UNC79: variants seen among roughly 807,000 people sequenced by gnomAD.
UNC79 encodes the protein protein unc-79 homolog.
A neutral mutation model predicts 283.1 loss-of-function variants in UNC79; 37 were observed. That is an observed-to-expected ratio of 0.13 (90% CI 0.10 to 0.17). UNC79 has a LOEUF of 0.17. Among genes scored for constraint, UNC79 ranks in the 10% least tolerant of loss-of-function variants. The probability of loss-of-function intolerance (pLI) is 1.00; values close to 1 mark genes in which losing one functional copy is unlikely to be tolerated. For missense variants in UNC79, 2,272 were observed against 3,211.1 expected (o/e 0.71, Z 7.07); for synonymous variants, 1,107 against 1,200.2 (o/e 0.92, Z 1.61).
intron 23 of UNC79, among the ~76,000 whole-genome samples, chr14:93,595,043 C>A (rs2064970982): frequency 6.6e-6 from 1 of 151,094 alleles, no homozygotes; most frequent in Non-Finnish European, 1.5e-5. Flanking sequence ...TCTTCTGAAT[C>A]TCGGCTCTGG....
At chr14:93,592,609 C>T (rs2064777044) in intron 22 of UNC79, among the ~76,000 whole-genome samples, 1 of 152,068 alleles carries the variant, frequency 6.6e-6, no homozygotes, top group Admixed American at 6.5e-5. Flanking sequence ...TGGACCTGTA[C>T]AGTTCAAACC....
chr14:93,706,661 C>G (rs761109956), intron 48 of UNC79, 43 bp from the exon 52 acceptor site: 2 of 1,608,604 alleles, frequency 1.2e-6, no homozygotes, highest in Admixed American at 1.7e-5. Context: ...CTGGGTTGCC[C>G]GTGAAAAGAA....
chr14:93,668,978 TAAA>T (rs543609091), intron 40 of UNC79, among the ~76,000 whole-genome samples: 48 of 79,912 alleles, frequency 6.0e-4, no homozygotes, highest in Middle Eastern at 0.015. Context: ...GAACATTGTC[TAAA>T]AAAAAAAAAA....
intron 7 of UNC79, among the ~76,000 whole-genome samples, chr14:93,498,705 G>T (rs927204766): frequency 6.6e-6 from 1 of 152,100 alleles, no homozygotes; most frequent in Admixed American, 6.6e-5. Flanking sequence ...TATAATGACA[G>T]ATATCTACCA....
At chr14:93,418,399 C>G (rs1198183034) in intron 1 of UNC79, among the ~76,000 whole-genome samples, 1 of 151,620 alleles carries the variant, frequency 6.6e-6, no homozygotes, top group Non-Finnish European at 1.5e-5. Context: ...CAGAGGAGTA[C>G]CCGGCCATGT....
At chr14:93,684,302 TG>T (rs956552627) in intron 42 of UNC79, among the ~76,000 whole-genome samples, 3 of 152,232 alleles carry the variant, frequency 2.0e-5, no homozygotes, top group African/African-American at 7.2e-5. Flanking sequence ...CCAACCTTGC[TG>T]GAGGGCAGTT....
At chr14:93,403,137 AG>A (rs1248607193) in intron 1 of UNC79, among the ~76,000 whole-genome samples, 1 of 152,104 alleles carries the variant, frequency 6.6e-6, no homozygotes, top group East Asian at 1.9e-4. Flanking sequence ...TACATGTGAG[AG>A]GGGGGTAGAG....
rs147450251 is a variant in UNC79, at chr14:93,667,550, A to G, written c.6636+4836A>G. Among the ~76,000 whole-genome samples the G allele has an allele frequency of 4.0e-3, 609 of 152,324 alleles. 4 individuals carry two copies. The highest frequency in any genetic ancestry group is 0.014 in the African/African-American group (580 of 41,578). On this transcript the variant is annotated intron_variant, in intron 40 of 48. Transcript: ENST00000555664. ...CTTAGGTGCCTGGAAAATGGAATCA[A>G]TAGTTAAAAACCTACCCTCAAAAAC...
chr14:93,410,966 C>T (rs1344565392), intron 1 of UNC79, among the ~76,000 whole-genome samples: 1 of 152,014 alleles, frequency 6.6e-6, no homozygotes, highest in Admixed American at 6.6e-5. Context: ...TCCATATGTA[C>T]CAGCTCAGCC....
intron 47 of UNC79, among the ~76,000 whole-genome samples, chr14:93,695,890 C>CCAAAAA (rs1555407847): frequency 1.5e-4 from 6 of 39,442 alleles, no homozygotes; most frequent in Non-Finnish European, 2.8e-4. Context: ...GACTTTGTCT[C>CCAAAAA]AAAAAAAAAA....
At chr14:93,445,247 T>C (rs1248729290) in intron 1 of UNC79, among the ~76,000 whole-genome samples, 3 of 152,238 alleles carry the variant, frequency 2.0e-5, no homozygotes, top group Non-Finnish European at 4.4e-5. Context: ...TTACGCCATT[T>C]GTGAATAAAG....
intron 11 of UNC79, among the ~76,000 whole-genome samples, chr14:93,536,696 G>A (rs1367631054): frequency 4.0e-5 from 6 of 151,216 alleles, no homozygotes; most frequent in Non-Finnish European, 8.8e-5. Flanking sequence ...GATGACTTAC[G>A]ATTCTTAGAA....
intron 39 of UNC79, among the ~76,000 whole-genome samples, chr14:93,660,423 G>T (rs1020771251): frequency 1.3e-5 from 2 of 150,458 alleles, no homozygotes; most frequent in African/African-American, 4.9e-5. Flanking sequence ...ATATAGGCTT[G>T]AATTCAGGCT....
At chr14:93,428,667 A>T (rs2055782621), upstream of UNC79, among the ~76,000 whole-genome samples, 1 of 152,170 alleles carries the variant, frequency 6.6e-6, no homozygotes. Flanking sequence ...ACCTGAATGG[A>T]TTGGGTGCAT....
At chr14:93,568,634 G>A (rs2063037726) in intron 14 of UNC79, among the ~76,000 whole-genome samples, 1 of 151,964 alleles carries the variant, frequency 6.6e-6, no homozygotes, top group Non-Finnish European at 1.5e-5. Flanking sequence ...TCACACCATT[G>A]CACTCCAGCC....
At chr14:93,448,026 G>C (rs1452428843) in intron 1 of UNC79, among the ~76,000 whole-genome samples, 1 of 152,000 alleles carries the variant, frequency 6.6e-6, no homozygotes, top group Non-Finnish European at 1.5e-5. Context: ...ATTTCTGCCT[G>C]TTACCAAATC....
intron 7 of UNC79, among the ~76,000 whole-genome samples, chr14:93,498,266 C>CAATAAT (rs553061035): frequency 6.0e-5 from 9 of 150,450 alleles, no homozygotes; most frequent in African/African-American, 1.2e-4. Flanking sequence ...GACTCTGTCT[C>CAATAAT]AATAATAATA....
chr14:93,494,494 C>T (rs1463143593), intron 5 of UNC79, among the ~76,000 whole-genome samples: 1 of 152,134 alleles, frequency 6.6e-6, no homozygotes, highest in Non-Finnish European at 1.5e-5. Flanking sequence ...CTTTGAGACA[C>T]CTAATAGGAG....
chr14:93,519,274 T>C (rs1307025499), intron 7 of UNC79, among the ~76,000 whole-genome samples: 1 of 151,908 alleles, frequency 6.6e-6, no homozygotes, highest in African/African-American at 2.4e-5. Flanking sequence ...TGTTCTGAAA[T>C]CTATTTCTCT....
Sources: gnomAD v4.1 joint callset for allele counts (sites outside exome capture counted in the v4.1 genomes callset) on GRCh38, gnomAD v4.1.1 for gene constraint, MANE v1.5 for transcripts, NCBI Gene and HGNC (gene_info 2026-07-23, HGNC 2026-07-21) for gene names.